FAT3: variants seen among roughly 807,000 people sequenced by gnomAD.
The protein encoded by FAT3 is protocadherin Fat 3.
In FAT3, 95 loss-of-function variants were observed where a neutral mutation model predicts 310.2. The ratio of observed to expected loss-of-function variants is 0.31; its 90% confidence interval spans 0.26 to 0.36. The LOEUF (loss-of-function observed/expected upper bound fraction) is 0.36. Among genes scored for constraint, FAT3 ranks in the 10% least tolerant of loss-of-function variants. FAT3 has a pLI of 1.00. For missense variants in FAT3, 5,408 were observed against 5,715.6 expected (o/e 0.95, Z 1.74); for synonymous variants, 2,314 against 2,192.9 (o/e 1.06, Z -1.54).
chr11:92,289,712 G>C (rs1485462839), intron 1 of FAT3, among the ~76,000 whole-genome samples: 7 of 152,022 alleles, frequency 4.6e-5, no homozygotes, highest in African/African-American at 9.7e-5. Flanking sequence ...TTTAATGTTT[G>C]GGATGGTATC....
chr11:92,830,290 T>C (rs758842644), intron 13 of FAT3, among the ~76,000 whole-genome samples: 5 of 152,240 alleles, frequency 3.3e-5, no homozygotes, highest in African/African-American at 4.8e-5. Context: ...TAGAAGTCAA[T>C]CCAACCGTTA....
At position 92,476,066 on chromosome 11, in the gene FAT3, A is replaced by AGT. The variant is rs537879046; in HGVS notation, c.3293-48554_3293-48553dup. ...TGGGCTGGCCAGCAGTGAGTGTGTG[A>AGT]GTGTGTGTGTGTGTGCGTGTGTGTG... On this transcript the variant is annotated intron_variant, in intron 2 of 27. Transcript: ENST00000525166. 4.3e-3 allele frequency among the ~76,000 whole-genome samples: 658 copies of AGT among 151,500 alleles called. 6 individuals carry two copies. Among genetic ancestry groups the AGT allele is most frequent in the African/African-American group, 0.015 (629 of 41,250 alleles).
intron 2 of FAT3, chr11:92,366,845 A>C: frequency 1.9e-6 from 1 of 534,962 alleles, no homozygotes; most frequent in Non-Finnish European, 3.8e-6. Flanking sequence ...ATCCTTACTG[A>C]TGTTGCTGTA....
chr11:92,575,367 A>G (rs623673), intron 3 of FAT3, among the ~76,000 whole-genome samples: 112,751 of 152,050 alleles, frequency 0.74, 44,085 homozygotes, highest in Non-Finnish European at 0.88. Flanking sequence ...ATGATTTCCC[A>G]GAAACCACAA....
chr11:92,713,071 A>G (rs1944574526), intron 4 of FAT3, among the ~76,000 whole-genome samples: 1 of 152,226 alleles, frequency 6.6e-6, no homozygotes, highest in African/African-American at 2.4e-5. Context: ...AAAGTCTGAC[A>G]TAAGAGATTA....
At chr11:92,594,045 A>G (rs572813018) in intron 3 of FAT3, among the ~76,000 whole-genome samples, 16 of 152,264 alleles carry the variant, frequency 1.1e-4, no homozygotes, top group African/African-American at 3.9e-4. Flanking sequence ...GACATGTGTC[A>G]TGGTGGGAGG....
At chr11:92,818,449 T>A (rs1173110228) in intron 13 of FAT3, among the ~76,000 whole-genome samples, 3 of 152,158 alleles carry the variant, frequency 2.0e-5, no homozygotes, top group Non-Finnish European at 4.4e-5. Flanking sequence ...AGTGGAGGCA[T>A]GCAAACATCC....
chr11:92,411,135 A>ATT (rs1234170865), intron 2 of FAT3, among the ~76,000 whole-genome samples: 234 of 110,640 alleles, frequency 2.1e-3, no homozygotes, highest in Non-Finnish European at 3.3e-3. Flanking sequence ...TATATTATAT[A>ATT]TTATATATAT....
chr11:92,765,646 C>T (rs1018541022), intron 6 of FAT3, among the ~76,000 whole-genome samples: 7 of 151,932 alleles, frequency 4.6e-5, no homozygotes, highest in African/African-American at 1.7e-4. Context: ...TTTTTTAAAG[C>T]AAATTGAATT....
At chr11:92,308,449 TTTGA>T (rs1442047560) in intron 1 of FAT3, among the ~76,000 whole-genome samples, 1 of 152,156 alleles carries the variant, frequency 6.6e-6, no homozygotes, top group Non-Finnish European at 1.5e-5. Flanking sequence ...AAACCAGTTG[TTTGA>T]TTGTGAAATG....
chr11:92,322,932 C>T (rs890237423), intron 1 of FAT3, among the ~76,000 whole-genome samples: 2 of 152,000 alleles, frequency 1.3e-5, no homozygotes, highest in South Asian at 2.1e-4. Flanking sequence ...TGACCTCCCC[C>T]CAAGAATCAC....
At chr11:92,481,058 A>G (rs1210606341) in intron 2 of FAT3, among the ~76,000 whole-genome samples, 1 of 152,204 alleles carries the variant, frequency 6.6e-6, no homozygotes, top group Non-Finnish European at 1.5e-5. Flanking sequence ...TTTAAGAGAA[A>G]CTGAACTGAT....
At chr11:92,476,703 C>T (rs948955032) in intron 2 of FAT3, among the ~76,000 whole-genome samples, 1 of 152,108 alleles carries the variant, frequency 6.6e-6, no homozygotes, top group Admixed American at 6.6e-5. Flanking sequence ...ACTCAGAGTG[C>T]TTGGGGAAAG....
chr11:92,551,194 G>T (rs1039399824), intron 3 of FAT3, among the ~76,000 whole-genome samples: 1 of 152,006 alleles, frequency 6.6e-6, no homozygotes, highest in African/African-American at 2.4e-5. Context: ...CAGGTATCTG[G>T]ATCCTGTCTG....
At chr11:92,784,754 T>C (rs1244911174) in intron 7 of FAT3, among the ~76,000 whole-genome samples, 1 of 152,164 alleles carries the variant, frequency 6.6e-6, no homozygotes, top group Non-Finnish European at 1.5e-5. Flanking sequence ...GGAAGTCTTT[T>C]ACTGAGAAAC....
intron 1 of FAT3, among the ~76,000 whole-genome samples, chr11:92,266,937 C>A (rs1474355625): frequency 6.6e-6 from 1 of 152,052 alleles, no homozygotes; most frequent in Non-Finnish European, 1.5e-5. Flanking sequence ...GAGCAAATGG[C>A]CCATTAGCAT....
chr11:92,783,235 G>A (rs1946799195), intron 7 of FAT3, among the ~76,000 whole-genome samples: 2 of 151,828 alleles, frequency 1.3e-5, no homozygotes, highest in Admixed American at 1.3e-4. Context: ...GAATGCGCCT[G>A]TAGTGCCAGC....
At chr11:92,809,284 G>T (rs1472243998) in intron 12 of FAT3, among the ~76,000 whole-genome samples, 1 of 152,188 alleles carries the variant, frequency 6.6e-6, no homozygotes, top group East Asian at 1.9e-4. Flanking sequence ...CAAGTTAAGG[G>T]TTAACCCTTA....
rs185161724 is a variant in FAT3, at chr11:92,516,224, A to G, written c.3293-8410A>G. Among the ~76,000 whole-genome samples, 301 of 152,300 alleles carry G rather than the reference A, an allele frequency of 2.0e-3. 1 individual carries two copies. Among genetic ancestry groups the G allele is most frequent in the African/African-American group, 6.8e-3 (284 of 41,568 alleles). ...AGGCCAATATCCCTGATGAACATCA[A>G]TGTGAAAATCCTCAATAAAATACTG... On this transcript the variant is annotated intron_variant, in intron 2 of 27. Transcript: ENST00000525166.
Sources: allele counts gnomAD v4.1 joint callset (sites outside exome capture counted in the v4.1 genomes callset), GRCh38; gene constraint gnomAD v4.1.1; transcripts MANE v1.5; gene names NCBI Gene and HGNC (gene_info 2026-07-23, HGNC 2026-07-21).